The following HCN1 variants were observed in gnomAD, a reference collection of about 807,000 sequenced individuals.
The protein encoded by HCN1 is potassium/sodium hyperpolarization-activated cyclic nucleotide-gated channel 1.
In HCN1, 13 loss-of-function variants were observed where a neutral mutation model predicts 78.9. The ratio of observed to expected loss-of-function variants is 0.16; its 90% CI spans 0.11 to 0.26. The LOEUF is 0.26. HCN1 is among the 10% of genes least tolerant of loss of function. The pLI is 1.00. For missense variants in HCN1, 810 were observed against 1,154.3 expected, an observed-to-expected ratio of 0.70 and a Z score of 4.32; for synonymous variants, 552 against 455.5, an observed-to-expected ratio of 1.21 and a Z score of -2.70.
chr5:45,584,082 C>T (rs924026497), intron 2 of HCN1, among the ~76,000 whole-genome samples: 2 of 152,024 alleles, frequency 1.3e-5, no homozygotes. Context: ...CCTGGATATC[C>T]TTGTTAACTT....
At chr5:45,373,190 G>A (rs1485201543) in intron 4 of HCN1, among the ~76,000 whole-genome samples, 1 of 114,952 alleles carries the variant, frequency 8.7e-6, no homozygotes, top group Non-Finnish European at 1.7e-5. Flanking sequence ...TGAAATATAT[G>A]TATTTTATAT....
At chr5:45,506,089 G>C (rs985703385) in intron 2 of HCN1, among the ~76,000 whole-genome samples, 3 of 152,094 alleles carry the variant, frequency 2.0e-5, no homozygotes, top group African/African-American at 7.2e-5. Flanking sequence ...CTTTATATTA[G>C]ATAAATGATA....
At chr5:45,656,282 C>T (rs990716205) in intron 1 of HCN1, among the ~76,000 whole-genome samples, 1 of 152,132 alleles carries the variant, frequency 6.6e-6, no homozygotes, top group Non-Finnish European at 1.5e-5. Context: ...TGTGCTGCTT[C>T]CTGGGCTTGC....
chr5:45,284,107 C>A (rs1561088074), intron 6 of HCN1, among the ~76,000 whole-genome samples: 1 of 151,850 alleles, frequency 6.6e-6, no homozygotes, highest in African/African-American at 2.4e-5. Context: ...CTCATGAACA[C>A]AAAGAAGGGA....
At position 45,257,436 on chromosome 5, in the gene HCN1, C is replaced by T. The variant is rs1744639621; in HGVS notation, c.*4485G>A. The T allele has an allele frequency of 6.6e-6, 1 of 152,202 alleles. No individual in the cohort carries two copies. Among genetic ancestry groups the T allele is most frequent in the African/African-American group, 2.4e-5 (1 of 41,460 alleles). 9.4% of individuals were successfully genotyped at this position (152,202 alleles called of 1,614,324 possible). A position where few individuals can be genotyped will look rare whatever the true frequency, so the allele number is the denominator to read the frequency against. ...CAGCATTTAATGTATTACTCATTCT[C>T]TCCACATCAAGGACCTTGTAAACAA... On this transcript the variant is annotated 3_prime_UTR_variant, in exon 8 of 8. Coordinates refer to ENST00000303230, the MANE Select transcript of HCN1 (RefSeq NM_021072.4).
In HCN1 at chr5:45,378,350, C is replaced by G. The variant is rs548602444; in HGVS notation, c.1230+18142G>C. On this transcript the variant is annotated intron_variant, in intron 4 of 7. Coordinates refer to ENST00000303230, the MANE Select transcript of HCN1 (RefSeq NM_021072.4). The stretch of plus-strand genomic sequence containing the variant: ...ACTACAATAATTATAAACTAGAGTG[C>G]CAATTTTCTTGATAACTCTAGATAA... Among the ~76,000 whole-genome samples the G allele has an allele frequency of 1.3e-5, 2 of 151,970 alleles. 1 individual carries two copies. Among genetic ancestry groups the G allele is most frequent in the South Asian group, 4.1e-4 (2 of 4,826 alleles).
intron 2 of HCN1, among the ~76,000 whole-genome samples, chr5:45,462,671 G>T (rs898395222): frequency 1.3e-5 from 2 of 151,970 alleles, no homozygotes; most frequent in Non-Finnish European, 2.9e-5. Context: ...TTACTTTTCA[G>T]TTACTCCTTA....
intron 5 of HCN1, among the ~76,000 whole-genome samples, chr5:45,324,995 A>C (rs1746206927): frequency 6.6e-6 from 1 of 151,740 alleles, no homozygotes; most frequent in African/African-American, 2.4e-5. Flanking sequence ...TTAACACAGA[A>C]CTTGGTGCAT....
At chr5:45,365,795 T>C (rs1747223362) in intron 4 of HCN1, among the ~76,000 whole-genome samples, 1 of 151,918 alleles carries the variant, frequency 6.6e-6, no homozygotes, top group Non-Finnish European at 1.5e-5. Context: ...TAAAAAAGAC[T>C]TCTAATGATA....
intron 3 of HCN1, 75 bp downstream of exon 3, chr5:45,461,771 A>G (rs1741165743): frequency 1.6e-6 from 2 of 1,256,974 alleles, no homozygotes; most frequent in Non-Finnish European, 2.3e-6. Flanking sequence ...AAATCAGATC[A>G]TTGTAACATA....
chr5:45,342,128 C>T (rs997842000), intron 5 of HCN1, among the ~76,000 whole-genome samples: 2 of 152,014 alleles, frequency 1.3e-5, no homozygotes, highest in African/African-American at 4.8e-5. Context: ...GGGTCTTGAA[C>T]TTGATAGAGG....
chr5:45,534,899 G>T (rs1742936497), intron 2 of HCN1, among the ~76,000 whole-genome samples: 1 of 152,130 alleles, frequency 6.6e-6, no homozygotes, highest in Non-Finnish European at 1.5e-5. Flanking sequence ...AATTAAAAAT[G>T]TGAAAAACCA....
chr5:45,641,210 G>T (rs889262335), intron 2 of HCN1, among the ~76,000 whole-genome samples: 1 of 152,098 alleles, frequency 6.6e-6, no homozygotes, highest in Admixed American at 6.6e-5. Flanking sequence ...ATTATAGATA[G>T]GCAATTTATA....
chr5:45,692,465 G>A (rs1185876828), intron 1 of HCN1, among the ~76,000 whole-genome samples: 1 of 152,020 alleles, frequency 6.6e-6, no homozygotes, highest in Non-Finnish European at 1.5e-5. Context: ...TCCCTAGTTT[G>A]GGTGCTTATA....
chr5:45,329,122 A>C (rs2111949063), intron 5 of HCN1, among the ~76,000 whole-genome samples: 1 of 151,734 alleles, frequency 6.6e-6, no homozygotes, highest in East Asian at 1.9e-4. Context: ...GTTTAAATAT[A>C]TGTAACAATA....
chr5:45,603,667 C>A (rs1744670350), intron 2 of HCN1, among the ~76,000 whole-genome samples: 1 of 152,056 alleles, frequency 6.6e-6, no homozygotes, highest in Non-Finnish European at 1.5e-5. Flanking sequence ...AAAATCTTTA[C>A]TGCCAGAAAA....
intron 5 of HCN1, among the ~76,000 whole-genome samples, chr5:45,328,258 T>A (rs1459935657): frequency 7.4e-6 from 1 of 136,030 alleles, no homozygotes; most frequent in Non-Finnish European, 1.5e-5. Flanking sequence ...AAAACTAGCA[T>A]TTTTTTTTTT....
chr5:45,443,503 A>T (rs1397606349), intron 3 of HCN1, among the ~76,000 whole-genome samples: 1 of 152,114 alleles, frequency 6.6e-6, no homozygotes, highest in Non-Finnish European at 1.5e-5. Flanking sequence ...ATGTAATTTT[A>T]CAATTAAAAG....
At chr5:45,555,861 C>T (rs1269410512) in intron 2 of HCN1, among the ~76,000 whole-genome samples, 2 of 151,774 alleles carry the variant, frequency 1.3e-5, no homozygotes, top group Non-Finnish European at 2.9e-5. Context: ...AAAGCAGAGA[C>T]ATAGAAAAAT....
Sources: gnomAD v4.1 joint callset for allele counts (sites outside exome capture counted in the v4.1 genomes callset) on GRCh38, gnomAD v4.1.1 for gene constraint, MANE v1.5 for transcripts, NCBI Gene and HGNC (gene_info 2026-07-23, HGNC 2026-07-21) for gene names.